The following RBFOX3 variants were observed in gnomAD, a reference collection of about 807,000 sequenced individuals.
RBFOX3 encodes the protein RNA binding protein fox-1 homolog 3.
A neutral mutation model predicts 48.7 loss-of-function variants in RBFOX3; 17 were observed. That is an observed-to-expected ratio of 0.35 (90% CI 0.24 to 0.52). The LOEUF is 0.52. RBFOX3 is among the 20% of genes least tolerant of loss of function. The pLI is 0.94. For synonymous variants in RBFOX3, 212 were observed against 209.5 expected (o/e 1.01, Z -0.10); for missense variants, 382 against 497.5 (o/e 0.77, Z 2.21).
the RBFOX3 span, among the ~76,000 whole-genome samples, chr17:79,648,277 C>T: frequency 3.9e-5 from 6 of 152,120 alleles, no homozygotes; most frequent in African/African-American, 7.2e-5. Flanking sequence ...GGACAGGGAG[C>T]GGTGCAGATG....
chr17:79,137,545 C>T (rs2040518566), intron 4 of RBFOX3, among the ~76,000 whole-genome samples: 1 of 152,222 alleles, frequency 6.6e-6, no homozygotes, highest in Non-Finnish European at 1.5e-5. Context: ...TCCCACCCCC[C>T]AGTCCACCTG....
At chr17:79,661,442 T>TGTA in the RBFOX3 span, among the ~76,000 whole-genome samples, 1 of 152,282 alleles carries the variant, frequency 6.6e-6, no homozygotes, top group Admixed American at 6.5e-5. Flanking sequence ...GTTCATAGAG[T>TGTA]GTAGTTCTGT....
chr17:79,244,464 C>A (rs1241258885), intron 3 of RBFOX3, among the ~76,000 whole-genome samples: 2 of 152,126 alleles, frequency 1.3e-5, no homozygotes, highest in Non-Finnish European at 2.9e-5. Flanking sequence ...GTTACGGCAG[C>A]CACAGGAGAG....
At chr17:79,165,124 G>C (rs2047735481) in intron 4 of RBFOX3, among the ~76,000 whole-genome samples, 1 of 152,140 alleles carries the variant, frequency 6.6e-6, no homozygotes, top group Admixed American at 6.5e-5. Context: ...GGAGGGATGA[G>C]AGGCGGGAGA....
intron 2 of RBFOX3, among the ~76,000 whole-genome samples, chr17:79,446,552 T>C (rs1334421608): frequency 6.6e-6 from 1 of 152,202 alleles, no homozygotes; most frequent in Non-Finnish European, 1.5e-5. Flanking sequence ...GCGTGCCATG[T>C]TAGTGTACCA....
chr17:79,113,394 A>G (rs1476401437), intron 5 of RBFOX3, among the ~76,000 whole-genome samples: 2 of 152,044 alleles, frequency 1.3e-5, no homozygotes, highest in Non-Finnish European at 2.9e-5. Context: ...TTCTGCCTGC[A>G]GCCCTGCCCT....
the RBFOX3 span, among the ~76,000 whole-genome samples, chr17:79,619,452 G>C: frequency 7.2e-5 from 11 of 152,198 alleles, no homozygotes; most frequent in Admixed American, 1.3e-4. Context: ...TCCGGGGCTT[G>C]TGGCTGCGTC....
chr17:79,583,529 T>C (rs888095812), intron 1 of RBFOX3, among the ~76,000 whole-genome samples: 17 of 152,100 alleles, frequency 1.1e-4, no homozygotes, highest in Non-Finnish European at 2.2e-4. Flanking sequence ...AGGAAGTCTT[T>C]CCTTAAGGGA....
chr17:79,238,890 C>T (rs2061970817), intron 3 of RBFOX3, among the ~76,000 whole-genome samples: 2 of 152,136 alleles, frequency 1.3e-5, no homozygotes, highest in Non-Finnish European at 2.9e-5. Context: ...GTCAAAGAGC[C>T]GGTCGAGCCT....
chr17:79,502,858 C>A (rs1803970483), intron 1 of RBFOX3, among the ~76,000 whole-genome samples: 2 of 152,186 alleles, frequency 1.3e-5, no homozygotes, highest in African/African-American at 4.8e-5. Context: ...AGGAGGGGGA[C>A]CCTGCCGCCA....
chr17:79,505,249 C>A (rs1355429527), intron 1 of RBFOX3, among the ~76,000 whole-genome samples: 4 of 152,182 alleles, frequency 2.6e-5, no homozygotes, highest in African/African-American at 9.7e-5. Flanking sequence ...CCAGGCCCAC[C>A]ACACCCCCGC....
rs1040945856 is a variant in RBFOX3, at chr17:79,278,223, G to A, written c.-74+29501C>T. Among the ~76,000 whole-genome samples, 11 of 152,178 alleles carry A rather than the reference G, an allele frequency of 7.2e-5. 1 individual carries two copies. Among genetic ancestry groups the A allele is most frequent in the Non-Finnish European group, 1.5e-5 (1 of 68,016 alleles). Reference sequence around the variant, plus strand: ...AGAACTCCACAGCCCTGCTCCCCAGGCCTGACGGGCTCCCTGGCCCGTGGC... The same window carrying A: ...AGAACTCCACAGCCCTGCTCCCCAGACCTGACGGGCTCCCTGGCCCGTGGC... On this transcript the variant is annotated intron_variant, in intron 3 of 14. Transcript: ENST00000693108.
rs576262839 is a variant in RBFOX3, at chr17:79,173,866, C to T, written c.-33-58118G>A. Reference sequence around the variant, plus strand: ...GGGTCATTCTGAGACCCTCTCCCCACGCTGAGTACAGAGCTTTGCACACGC... The same window carrying T: ...GGGTCATTCTGAGACCCTCTCCCCATGCTGAGTACAGAGCTTTGCACACGC... On this transcript the variant is annotated intron_variant, in intron 4 of 14. Transcript: ENST00000693108. Among the ~76,000 whole-genome samples, 8 of 150,280 alleles carry T rather than the reference C, an allele frequency of 5.3e-5. No individual in the cohort carries two copies. In the East Asian group the frequency reaches 1.2e-3, roughly 22 times the overall value.
chr17:79,416,466 C>T (rs147669434), intron 2 of RBFOX3, among the ~76,000 whole-genome samples: 1,700 of 152,350 alleles, frequency 0.011, 17 homozygotes, highest in Non-Finnish European at 0.017. Context: ...CCCCCACTAT[C>T]CATCAAGGAC....
At chr17:79,660,865 A>C in the RBFOX3 span, among the ~76,000 whole-genome samples, 5,415 of 152,288 alleles carry the variant, frequency 0.036, 280 homozygotes, top group African/African-American at 0.11. Context: ...AATTGCAAAG[A>C]CATGGTATCA....
intron 2 of RBFOX3, among the ~76,000 whole-genome samples, chr17:79,352,609 C>A (rs1295382057): frequency 6.6e-6 from 1 of 152,212 alleles, no homozygotes; most frequent in Admixed American, 6.5e-5. Flanking sequence ...TTAAATGTTC[C>A]CTCTGGAAAG....
intron 2 of RBFOX3, among the ~76,000 whole-genome samples, chr17:79,463,912 ACCACCATTGCCACTGCCACCTCC>A (rs1166093381): frequency 1.4e-4 from 15 of 109,492 alleles, no homozygotes; most frequent in Non-Finnish European, 2.3e-4. Context: ...TGCCACCACC[ACCACCATTGCCACTGCCACCTCC>A]CCACCATCGC....
At chr17:79,624,119 C>G in the RBFOX3 span, among the ~76,000 whole-genome samples, 1 of 152,228 alleles carries the variant, frequency 6.6e-6, no homozygotes, top group Non-Finnish European at 1.5e-5. Context: ...TAATGAACTT[C>G]TGTGTTTTAA....
intron 2 of RBFOX3, among the ~76,000 whole-genome samples, chr17:79,415,091 C>G (rs572184959): frequency 1.3e-5 from 2 of 152,156 alleles, no homozygotes; most frequent in African/African-American, 4.8e-5. Flanking sequence ...AATTTCATCA[C>G]GGGGTTCTGA....
Sources: allele counts gnomAD v4.1 joint callset (sites outside exome capture counted in the v4.1 genomes callset), GRCh38; gene constraint gnomAD v4.1.1; transcripts MANE v1.5; gene names NCBI Gene and HGNC (gene_info 2026-07-23, HGNC 2026-07-21).